Variants in SYNGR1 observed in about 807,000 individuals in gnomAD.
SYNGR1 encodes the protein synaptogyrin 1.
In SYNGR1, 14 loss-of-function variants were observed where a neutral mutation model predicts 26.1. The ratio of observed to expected loss-of-function variants is 0.54; its 90% confidence interval spans 0.35 to 0.84. The LOEUF (loss-of-function observed/expected upper bound fraction) is 0.84. Ranked by LOEUF, SYNGR1 falls within the 40% of genes least tolerant of loss-of-function variation. The pLI is 0.01. For synonymous variants in SYNGR1, 141 were observed against 150.1 expected, an observed-to-expected ratio of 0.94 and a Z score of 0.44; for missense variants, 319 against 332.9, an observed-to-expected ratio of 0.96 and a Z score of 0.33.
intron 1 of SYNGR1, among the ~76,000 whole-genome samples, chr22:39,370,382 G>A (rs879799383): frequency 2.4e-4 from 36 of 151,866 alleles, no homozygotes; most frequent in Admixed American, 5.2e-4. Context: ...CACCCGCCTC[G>A]GCCTCCCAAA....
chr22:39,366,102 A>G (rs1198827601), intron 1 of SYNGR1, among the ~76,000 whole-genome samples: 3 of 148,028 alleles, frequency 2.0e-5, no homozygotes, highest in Non-Finnish European at 4.4e-5. Flanking sequence ...GGCTCAAGCA[A>G]TCCTCTGGCC....
At chr22:39,361,712 T>A (rs933024106) in intron 1 of SYNGR1, among the ~76,000 whole-genome samples, 1 of 151,684 alleles carries the variant, frequency 6.6e-6, no homozygotes, top group Non-Finnish European at 1.5e-5. Context: ...AGTGGCCGCA[T>A]CTATAAAATG....
At chr22:39,366,571 G>A (rs4594543) in intron 1 of SYNGR1, among the ~76,000 whole-genome samples, 1,628 of 152,046 alleles carry the variant, frequency 0.011, 21 homozygotes, top group East Asian at 0.041. Context: ...ACTTGAACCC[G>A]GGAGGCGGAA....
intron 1 of SYNGR1, among the ~76,000 whole-genome samples, chr22:39,352,571 G>A (rs1029241818): frequency 1.8e-4 from 27 of 152,282 alleles, no homozygotes; most frequent in African/African-American, 5.5e-4. Context: ...TGGTCTTTTC[G>A]AAACTGTGTG....
At chr22:39,357,652 C>A (rs1393358469) in intron 1 of SYNGR1, among the ~76,000 whole-genome samples, 3 of 19,192 alleles carry the variant, frequency 1.6e-4, no homozygotes, top group African/African-American at 7.7e-4. Flanking sequence ...GCCCTGCTGG[C>A]CCCGGACCCG....
rs1925610712 is a variant in SYNGR1 at position 39,384,941 on chromosome 22, C to T, written c.*3027C>T. ...CTCATCCTGGGCAGTCACAGACTGTCCTGCCTGCACGGCTCCTATCCACCT... is the reference window on the plus strand; with the variant it reads ...CTCATCCTGGGCAGTCACAGACTGTTCTGCCTGCACGGCTCCTATCCACCT... On this transcript the variant is annotated 3_prime_UTR_variant, in exon 4 of 4. Transcript: ENST00000328933. 6 of 398,960 alleles carry T rather than the reference C, an allele frequency of 1.5e-5. No individual in the cohort carries two copies. Among genetic ancestry groups the T allele is most frequent in the Non-Finnish European group, 2.7e-5 (6 of 226,198 alleles). 24.7% of individuals were successfully genotyped at this position (398,960 alleles called of 1,614,324 possible). A position where few individuals can be genotyped will look rare whatever the true frequency, so the allele number is the denominator to read the frequency against.
chr22:39,376,954 C>T, intron 3 of SYNGR1: 4 of 1,547,058 alleles, frequency 2.6e-6, no homozygotes, highest in Middle Eastern at 1.7e-4. Flanking sequence ...GCTCGGCTGG[C>T]CCCTCTTTCC....
intron 1 of SYNGR1, among the ~76,000 whole-genome samples, chr22:39,356,380 G>A (rs571739067): frequency 5.1e-4 from 77 of 152,248 alleles, no homozygotes; most frequent in Non-Finnish European, 9.7e-4. Flanking sequence ...AAGGCCTGCC[G>A]TAAGTCTGCT....
intron 1 of SYNGR1, among the ~76,000 whole-genome samples, chr22:39,369,491 G>C (rs1924920129): frequency 6.6e-6 from 1 of 152,096 alleles, no homozygotes; most frequent in African/African-American, 2.4e-5. Flanking sequence ...CCTCCCTGCT[G>C]GTCCTCTGCC....
chr22:39,365,282 A>T (rs893347316), intron 1 of SYNGR1, among the ~76,000 whole-genome samples: 5 of 152,080 alleles, frequency 3.3e-5, no homozygotes, highest in Admixed American at 1.3e-4. Flanking sequence ...GTCCCTGCAG[A>T]TCTGGCCTTA....
At chr22:39,364,111 C>T in intron 1 of SYNGR1, 4 of 1,596,350 alleles carry the variant, frequency 2.5e-6, no homozygotes, top group Non-Finnish European at 3.4e-6. Context: ...GGGGAGATAC[C>T]ATCTCCCCTC....
Position 39,350,108 on chromosome 22 carries a change from G to T in SYNGR1, c.98G>T (p.Trp33Leu). The change falls in exon 1 of 4, where the codon TGG becomes TTG. Residue 33 changes from tryptophan to leucine, a missense_variant and splice_region_variant. Trp to Leu is a moderately conservative substitution (Grantham distance 61). Transcript: ENST00000328933. The surrounding 1 kb of genome is among the most constrained non-coding windows in gnomAD (Gnocchi z 4.3). ...QPHTILRVVS[W>L]LFSIVVFGSI... Reference sequence around the variant, plus strand: ...CACACCATCCTGCGCGTCGTGTCTTGGGTAAGGACGGACTGGCCGACGGCT... The same window carrying T: ...CACACCATCCTGCGCGTCGTGTCTTTGGTAAGGACGGACTGGCCGACGGCT... The T allele has an allele frequency of 7.6e-6, 11 of 1,451,930 alleles. No individual in the cohort carries two copies. The highest frequency in any genetic ancestry group is 7.4e-6 in the Non-Finnish European group (8 of 1,088,260). 89.9% of individuals were successfully genotyped at this position (1,451,930 alleles called of 1,614,324 possible).
At chr22:39,374,707 A>G (rs1925195770) in intron 2 of SYNGR1, 154 bp downstream of exon 2, 2 of 820,506 alleles carry the variant, frequency 2.4e-6, no homozygotes, top group Non-Finnish European at 4.0e-6. Context: ...GGCTGGCAGC[A>G]GGAAGGATGG....
rs1196145877 is a variant in SYNGR1, at chr22:39,381,796, C to G, written c.584C>G (p.Pro195Arg). The G allele has an allele frequency of 1.3e-6, 2 of 1,587,828 alleles. No homozygotes were observed. The highest frequency in any genetic ancestry group is 3.1e-5 in the African/African-American group (2 of 63,920). ...GACCCCAGCCAGGACTCCAGCATGC[C>G]TTACGCGCCCTACGTGGAGCCCACT... ...YMDPSQDSSM[P>R]YAPYVEPTGP... is the part of the protein sequence containing the mutation. Residue 195 changes from proline (P) to arginine (R), a missense_variant, in exon 4 of 4, where the codon CCT becomes CGT. By Grantham distance (103) the Pro-to-Arg change is moderately radical. Transcript: ENST00000328933.
In SYNGR1 at chr22:39,385,158, C is replaced by T. The variant is rs150821666; in HGVS notation, c.*3244C>T. Reference sequence around the variant, plus strand: ...GACCCCTTTGATTCTCTAAGGAGCACGAAAGGGGGAATGCCCCTCCCAGGA... The same window carrying T: ...GACCCCTTTGATTCTCTAAGGAGCATGAAAGGGGGAATGCCCCTCCCAGGA... On this transcript the variant is annotated 3_prime_UTR_variant, in exon 4 of 4. Transcript: ENST00000328933. 2.3e-5 allele frequency: 9 copies of T among 396,714 alleles called. No individual in the cohort carries two copies. The highest frequency in any genetic ancestry group is 4.1e-5 in the African/African-American group (2 of 48,698). The allele number at this position is 396,714 out of a possible 1,614,324, so 24.6% of individuals were successfully genotyped here.
intron 1 of SYNGR1, among the ~76,000 whole-genome samples, chr22:39,355,042 T>A (rs1018182780): frequency 1.3e-5 from 2 of 152,048 alleles, no homozygotes; most frequent in Admixed American, 1.3e-4. Context: ...ATTCCACAAG[T>A]CCCCTGCTCA....
At chr22:39,362,046 C>T (rs1267239038) in intron 1 of SYNGR1, among the ~76,000 whole-genome samples, 2 of 148,254 alleles carry the variant, frequency 1.3e-5, no homozygotes, top group African/African-American at 5.1e-5. Flanking sequence ...CGAGGCCTCA[C>T]TATGTTCCCC....
At chr22:39,353,747 A>G (rs537953825) in intron 1 of SYNGR1, among the ~76,000 whole-genome samples, 1 of 152,384 alleles carries the variant, frequency 6.6e-6, no homozygotes, top group African/African-American at 2.4e-5. Context: ...TACAGCAAGA[A>G]GCTAAACTGA....
At chr22:39,366,801 C>T (rs922651029) in intron 1 of SYNGR1, among the ~76,000 whole-genome samples, 3 of 152,308 alleles carry the variant, frequency 2.0e-5, no homozygotes, top group Non-Finnish European at 2.9e-5. Flanking sequence ...CCATAGCAGC[C>T]GGTCTGATTC....
Sources: allele counts gnomAD v4.1 joint callset (sites outside exome capture counted in the v4.1 genomes callset), GRCh38; gene constraint gnomAD v4.1.1; non-coding constraint Gnocchi (gnomAD v3.1); transcripts MANE v1.5; gene names NCBI Gene and HGNC (gene_info 2026-07-23, HGNC 2026-07-21).